HERC6: variants seen among roughly 807,000 people sequenced by gnomAD.
HERC6 encodes HECT and RLD domain containing E3 ubiquitin protein ligase family member 6, also known as probable E3 ubiquitin-protein ligase HERC6.
HERC6 carries 101 observed loss-of-function variants against 114.5 expected under a neutral mutation model. The ratio of observed to expected loss-of-function variants is 0.88; its 90% CI spans 0.75 to 1.04. The LOEUF (loss-of-function observed/expected upper bound fraction) is 1.04, where lower values mean the gene tolerates loss of function less well. Among genes scored for constraint, HERC6 ranks in the 50% least tolerant of loss-of-function variants. The probability of loss-of-function intolerance (pLI) is 0.00; values close to 1 mark genes in which losing one functional copy is unlikely to be tolerated. For missense variants in HERC6, 1,133 were observed against 1,230.9 expected, an observed-to-expected ratio of 0.92 and a Z score of 1.19; for synonymous variants, 408 against 436.2, an observed-to-expected ratio of 0.94 and a Z score of 0.81.
chr4:88,430,845 C>T (rs191156749), intron 16 of HERC6, among the ~76,000 whole-genome samples: 5 of 152,154 alleles, frequency 3.3e-5, no homozygotes, highest in South Asian at 2.1e-4. Context: ...TAGGGGCCCA[C>T]GGGTTTGAAG....
chr4:88,438,184 A>C (rs1020009475), intron 20 of HERC6, among the ~76,000 whole-genome samples: 1 of 151,618 alleles, frequency 6.6e-6, no homozygotes, highest in African/African-American at 2.4e-5. Flanking sequence ...TTTAGCTCCT[A>C]ATCTTTTAGA....
Position 88,442,997 on chromosome 4 carries a change from T to C in HERC6, c.*537T>C, listed in dbSNP as rs1739481254. The C allele has an allele frequency of 6.3e-6, 1 of 159,548 alleles. No individual in the cohort carries two copies. The highest frequency in any genetic ancestry group is 1.8e-4 in the South Asian group (1 of 5,582). 9.9% of individuals were successfully genotyped at this position (159,548 alleles called of 1,614,324 possible). A position where few individuals can be genotyped will look rare whatever the true frequency, so the allele number is the denominator to read the frequency against. On this transcript the variant is annotated 3_prime_UTR_variant, in exon 23 of 23. Transcript: ENST00000264346. ...CCAGAAGATTTTGCTACCAGGGCTC[T>C]TGAGCCACTTGCTCTAGCCCACTCC...
chr4:88,390,625 A>G (rs1224452255), intron 3 of HERC6, 27 bp from the exon 4 acceptor site: 4 of 1,564,222 alleles, frequency 2.6e-6, no homozygotes, highest in East Asian at 4.5e-5. Flanking sequence ...TATGTGTACA[A>G]TTCTTAATTT....
At chr4:88,387,480 T>C (rs917259200) in intron 3 of HERC6, among the ~76,000 whole-genome samples, 7 of 152,254 alleles carry the variant, frequency 4.6e-5, no homozygotes, top group Non-Finnish European at 1.0e-4. Flanking sequence ...TCAGGGATTT[T>C]AAATTATTTA....
chr4:88,409,550 G>C (rs1735981906), intron 11 of HERC6, among the ~76,000 whole-genome samples: 1 of 152,284 alleles, frequency 6.6e-6, no homozygotes, highest in Middle Eastern at 3.4e-3. Flanking sequence ...TATAATCAGA[G>C]CAATGCTCGA....
Position 88,387,119 on chromosome 4 carries a change from G to A in HERC6, c.436+1544G>A, listed in dbSNP as rs114482707. Among the ~76,000 whole-genome samples the A allele has an allele frequency of 3.0e-3, 458 of 152,290 alleles. 3 individuals are homozygous for A. The highest frequency in any genetic ancestry group is 9.4e-3 in the African/African-American group (392 of 41,560). On this transcript the variant is annotated intron_variant, in intron 3 of 22. Coordinates refer to ENST00000264346, the MANE Select transcript of HERC6 (RefSeq NM_017912.4). ...ACCTTACAAACACATGAACTGGGCT[G>A]GGCATAGTGGCTCACACCTGTATTT...
rs768878810 is a variant in HERC6 at position 88,440,051 on chromosome 4, T to C, written c.2733T>C (p.Phe911=). Residue 911 remains phenylalanine, a synonymous_variant, in exon 21 of 23, where the codon TTT becomes TTC. Transcript: ENST00000264346. The part of the protein sequence containing the change: ...IGNTDYDWKQ[F]EQNSKYEQGY... ...ATACTGATTATGACTGGAAACAGTT[T>C]GAACAGGTAGGTGATACCTAAAGTG... is the stretch of plus-strand genomic sequence containing the variant. The C allele has an allele frequency of 1.2e-6, 2 of 1,610,842 alleles. No individual in the cohort carries two copies. Among genetic ancestry groups the C allele is most frequent in the Non-Finnish European group, 1.7e-6 (2 of 1,178,992 alleles).
At chr4:88,397,932 T>C (rs1022260566) in intron 7 of HERC6, among the ~76,000 whole-genome samples, 4 of 152,144 alleles carry the variant, frequency 2.6e-5, no homozygotes, top group African/African-American at 9.7e-5. Flanking sequence ...TAAGTGAATA[T>C]ATGACATGTA....
rs1010617534 is a variant in HERC6 at position 88,436,900 on chromosome 4, A to C, written c.2418-5A>C. On this transcript the variant is annotated splice_region_variant and splice_polypyrimidine_tract_variant and intron_variant, in intron 18 of 22. Coordinates refer to ENST00000264346, the MANE Select transcript of HERC6 (RefSeq NM_017912.4). ...TATAATTTTTAAAACCAAAATCTTC[A>C]TTAGGAGTTTGCAAGAAGTTCTAGA... 1 of 1,595,126 alleles carries C rather than the reference A, an allele frequency of 6.3e-7. No homozygotes were observed. Among genetic ancestry groups the C allele is most frequent in the African/African-American group, 1.3e-5 (1 of 74,256 alleles).
chr4:88,400,095 A>C (rs988744875), intron 8 of HERC6, among the ~76,000 whole-genome samples: 1 of 152,182 alleles, frequency 6.6e-6, no homozygotes, highest in African/African-American at 2.4e-5. Context: ...CAGCTATGTG[A>C]GGGGGGACCC....
At chr4:88,440,841 G>C (rs893888796) in intron 22 of HERC6, among the ~76,000 whole-genome samples, 1 of 152,162 alleles carries the variant, frequency 6.6e-6, no homozygotes, top group Non-Finnish European at 1.5e-5. Context: ...CTCTTTGTTA[G>C]AAAAGAAGTG....
intron 3 of HERC6, among the ~76,000 whole-genome samples, chr4:88,389,387 G>C (rs559539379): frequency 6.6e-6 from 1 of 152,148 alleles, no homozygotes; most frequent in Non-Finnish European, 1.5e-5. Context: ...ACTGATGGGG[G>C]CAAAGGTTGC....
At chr4:88,410,857 T>G (rs1489831983) in intron 11 of HERC6, among the ~76,000 whole-genome samples, 3 of 152,160 alleles carry the variant, frequency 2.0e-5, no homozygotes, top group Admixed American at 2.0e-4. Context: ...TATGACAGTT[T>G]GTGAGAATGT....
intron 8 of HERC6, among the ~76,000 whole-genome samples, chr4:88,402,797 AT>A (rs1339510587): frequency 6.6e-6 from 1 of 152,168 alleles, no homozygotes; most frequent in Admixed American, 6.5e-5. Context: ...GAAGCAGAAA[AT>A]GAAGAAATGG....
intron 5 of HERC6, among the ~76,000 whole-genome samples, chr4:88,393,858 A>G (rs1043127045): frequency 7.9e-5 from 12 of 152,178 alleles, no homozygotes; most frequent in African/African-American, 2.9e-4. Context: ...CACATAGTGA[A>G]GGGAGTGAGG....
At position 88,405,576 on chromosome 4, in the gene HERC6, TCTC is replaced by T. The variant is rs1735778965; in HGVS notation, c.1240_1242del (p.Pro414del). 1 of 1,536,906 alleles carries T rather than the reference TCTC, an allele frequency of 6.5e-7. No individual in the cohort carries two copies. The highest frequency in any genetic ancestry group is 1.4e-5 in the African/African-American group (1 of 73,006). Reference sequence around the variant, plus strand: ...CAGTGAAATTAGAATGATATTTTCATCTCCTGCTTGTCTGACTGCAAGTTTTTT... The same window carrying T: ...CAGTGAAATTAGAATGATATTTTCATCTGCTTGTCTGACTGCAAGTTTTTT... On this transcript the variant is annotated inframe_deletion, in exon 10 of 23. Coordinates refer to ENST00000264346, the MANE Select transcript of HERC6 (RefSeq NM_017912.4).
At chr4:88,419,910 C>T (rs1034783670) in intron 13 of HERC6, among the ~76,000 whole-genome samples, 2 of 152,016 alleles carry the variant, frequency 1.3e-5, no homozygotes, top group Non-Finnish European at 2.9e-5. Flanking sequence ...TAACTTCAGA[C>T]GTACATCCTA....
chr4:88,388,492 A>G (rs1394086505), intron 3 of HERC6, among the ~76,000 whole-genome samples: 1 of 148,338 alleles, frequency 6.7e-6, no homozygotes, highest in African/African-American at 2.5e-5. Flanking sequence ...CAGAGGTTGC[A>G]GTGAGCTGGG....
chr4:88,390,052 A>G (rs1035288906), intron 3 of HERC6, among the ~76,000 whole-genome samples: 1 of 151,856 alleles, frequency 6.6e-6, no homozygotes, highest in African/African-American at 2.4e-5. Context: ...GGTGGCACGC[A>G]TTTGTAATCC....
Sources: allele counts gnomAD v4.1 joint callset (sites outside exome capture counted in the v4.1 genomes callset), GRCh38; gene constraint gnomAD v4.1.1; transcripts MANE v1.5; gene names NCBI Gene and HGNC (gene_info 2026-07-23, HGNC 2026-07-21).